Variants in KCNIP4 observed in about 807,000 individuals in gnomAD.
KCNIP4 encodes the protein Kv channel-interacting protein 4.
In KCNIP4, 12 loss-of-function variants were observed where a neutral mutation model predicts 34.0. The ratio of observed to expected loss-of-function variants is 0.35; its 90% CI spans 0.23 to 0.57. The LOEUF is 0.57. Among genes scored for constraint, KCNIP4 ranks in the 20% least tolerant of loss-of-function variants. KCNIP4 has a pLI of 0.83. For missense variants in KCNIP4, 238 were observed against 311.7 expected, an observed-to-expected ratio of 0.76 and a Z score of 1.78; for synonymous variants, 124 against 102.2, an observed-to-expected ratio of 1.21 and a Z score of -1.29.
intron 1 of KCNIP4, among the ~76,000 whole-genome samples, chr4:21,466,894 A>G (rs1455140066): frequency 6.6e-6 from 1 of 152,088 alleles, no homozygotes; most frequent in African/African-American, 2.4e-5. Context: ...CCTGGCAGAG[A>G]CAATATATCA....
intron 1 of KCNIP4, among the ~76,000 whole-genome samples, chr4:21,013,469 G>A (rs981228720): frequency 2.4e-4 from 36 of 151,670 alleles, no homozygotes; most frequent in African/African-American, 7.5e-4. Context: ...GCATGGGGTC[G>A]ACCAGCTCTC....
At chr4:21,117,134 G>C (rs887312568) in intron 1 of KCNIP4, among the ~76,000 whole-genome samples, 2 of 152,052 alleles carry the variant, frequency 1.3e-5, no homozygotes, top group African/African-American at 4.8e-5. Flanking sequence ...AGCTTAGGCA[G>C]GTTGCTCAGT....
chr4:20,825,098 G>A (rs1717570144), intron 3 of KCNIP4, among the ~76,000 whole-genome samples: 1 of 152,078 alleles, frequency 6.6e-6, no homozygotes, highest in African/African-American at 2.4e-5. Context: ...CCAAAGGTTT[G>A]CCAGGATAAA....
intron 1 of KCNIP4, among the ~76,000 whole-genome samples, chr4:21,254,678 T>C (rs901001315): frequency 6.6e-6 from 1 of 152,198 alleles, no homozygotes; most frequent in Non-Finnish European, 1.5e-5. Context: ...ATTATCTCTT[T>C]TAAGCTTCAC....
At chr4:21,519,811 G>GTA (rs1172227637) in intron 1 of KCNIP4, among the ~76,000 whole-genome samples, 7 of 130,166 alleles carry the variant, frequency 5.4e-5, no homozygotes, top group East Asian at 2.7e-4. Context: ...GTGTGTGTAT[G>GTA]TGTGTGTATA....
At chr4:21,251,938 C>T (rs1262883280) in intron 1 of KCNIP4, among the ~76,000 whole-genome samples, 2 of 151,168 alleles carry the variant, frequency 1.3e-5, no homozygotes, top group Non-Finnish European at 2.9e-5. Context: ...GTGCAGCACA[C>T]CAGCATGGCA....
intron 1 of KCNIP4, among the ~76,000 whole-genome samples, chr4:21,293,102 T>C (rs1329146932): frequency 1.3e-5 from 2 of 152,170 alleles, no homozygotes; most frequent in African/African-American, 2.4e-5. Flanking sequence ...TGATAATAAA[T>C]AGGAGATAAT....
intron 1 of KCNIP4, among the ~76,000 whole-genome samples, chr4:21,299,089 A>G (rs376197041): frequency 7.2e-5 from 11 of 152,268 alleles, no homozygotes; most frequent in African/African-American, 2.6e-4. Flanking sequence ...GTGATTACCT[A>G]TCTCAAAGGA....
At chr4:21,668,574 C>T (rs1024206907) in intron 1 of KCNIP4, among the ~76,000 whole-genome samples, 5 of 152,136 alleles carry the variant, frequency 3.3e-5, no homozygotes, top group Non-Finnish European at 5.9e-5. Flanking sequence ...AATCAAGCTG[C>T]CCTCACTAAA....
At chr4:20,819,366 C>T (rs1320622489) in intron 3 of KCNIP4, among the ~76,000 whole-genome samples, 1 of 152,088 alleles carries the variant, frequency 6.6e-6, no homozygotes, top group Non-Finnish European at 1.5e-5. Context: ...CATCTGCTCC[C>T]ACAGTATGAT....
At chr4:21,667,169 C>CA (rs1040744440) in intron 1 of KCNIP4, among the ~76,000 whole-genome samples, 1 of 152,108 alleles carries the variant, frequency 6.6e-6, no homozygotes, top group African/African-American at 2.4e-5. Flanking sequence ...GATGGTAGGA[C>CA]ATGAAAGGGG....
chr4:21,519,667 C>CATAT (rs1215909634), intron 1 of KCNIP4, among the ~76,000 whole-genome samples: 2 of 129,854 alleles, frequency 1.5e-5, no homozygotes, highest in African/African-American at 5.9e-5. Flanking sequence ...TATATATACA[C>CATAT]GTGTGTGTAT....
chr4:20,848,671 A>G (rs1720663499), intron 3 of KCNIP4, among the ~76,000 whole-genome samples: 1 of 152,120 alleles, frequency 6.6e-6, no homozygotes, highest in Non-Finnish European at 1.5e-5. Context: ...GACCCCAAAC[A>G]GAGAAACCCT....
chr4:21,508,463 T>C lies in KCNIP4; in HGVS notation c.61+440108A>G, dbSNP rs1034577313. Among the ~76,000 whole-genome samples the C allele has an allele frequency of 4.6e-5, 7 of 152,318 alleles. No individual in the cohort carries two copies. In the South Asian group the frequency reaches 1.4e-3, roughly 32 times the overall value. On this transcript the variant is annotated intron_variant, in intron 1 of 8. Coordinates refer to ENST00000382152, the MANE Select transcript of KCNIP4 (RefSeq NM_025221.6). ...CCCCTCTTCCACCAAGTATGAGGAT[T>C]GCACAGTGGCAGGCACTGCTAGCTG...
intron 1 of KCNIP4, among the ~76,000 whole-genome samples, chr4:21,790,660 C>T (rs1184800793): frequency 1.3e-5 from 2 of 151,926 alleles, no homozygotes; most frequent in Non-Finnish European, 2.9e-5. Context: ...CTTAAAATTT[C>T]CACACTGTAC....
chr4:21,016,727 C>T (rs1577540611), intron 1 of KCNIP4, among the ~76,000 whole-genome samples: 2 of 152,154 alleles, frequency 1.3e-5, no homozygotes, highest in Non-Finnish European at 1.5e-5. Flanking sequence ...ATTCTCCTGC[C>T]TCAGCCTCCA....
rs1735168808 is a variant in KCNIP4, at chr4:21,519,504, ATGTGTATATACACATATGTGTGTATG to A, written c.61+429041_61+429066del. Among the ~76,000 whole-genome samples the A allele has an allele frequency of 1.3e-4, 9 of 68,808 alleles. 2 individuals carry two copies. The highest frequency in any genetic ancestry group is 3.5e-4 in the Admixed American group (3 of 8,480). 45.1% of individuals were successfully genotyped at this position (68,808 alleles called of 152,430 possible). A position where few individuals can be genotyped will look rare whatever the true frequency, so the allele number is the denominator to read the frequency against. On this transcript the variant is annotated intron_variant, in intron 1 of 8. Coordinates refer to ENST00000382152, the MANE Select transcript of KCNIP4 (RefSeq NM_025221.6). The stretch of plus-strand genomic sequence containing the variant: ...TATATACACATATGTGTGTATGTGT[ATGTGTATATACACATATGTGTGTATG>A]TGTATGTGTATATACACATATGTGT...
At chr4:21,475,284 A>T (rs1730856928) in intron 1 of KCNIP4, among the ~76,000 whole-genome samples, 1 of 152,224 alleles carries the variant, frequency 6.6e-6, no homozygotes, top group South Asian at 2.1e-4. Flanking sequence ...TCCCAAAGGT[A>T]CACTGAGTTG....
intron 1 of KCNIP4, among the ~76,000 whole-genome samples, chr4:21,716,228 C>T (rs1006789021): frequency 1.3e-5 from 2 of 151,932 alleles, no homozygotes; most frequent in African/African-American, 4.8e-5. Flanking sequence ...ACATAATAGT[C>T]TTTTTTTAAT....
Sources: allele counts gnomAD v4.1 joint callset (sites outside exome capture counted in the v4.1 genomes callset), GRCh38; gene constraint gnomAD v4.1.1; transcripts MANE v1.5; gene names NCBI Gene and HGNC (gene_info 2026-07-23, HGNC 2026-07-21).